Variants in PRKN observed in about 807,000 individuals in gnomAD.
The protein encoded by PRKN is parkin RBR E3 ubiquitin protein ligase.
In PRKN, 56 loss-of-function variants were observed where a neutral mutation model predicts 59.5. The ratio of observed to expected loss-of-function variants is 0.94; its 90% CI spans 0.76 to 1.18. The LOEUF (loss-of-function observed/expected upper bound fraction) is 1.18, where lower values mean the gene tolerates loss of function less well. Ranked by LOEUF, PRKN falls within the 50% of genes most tolerant of loss-of-function variation. The probability of loss-of-function intolerance (pLI) is 0.00; values close to 1 mark genes in which losing one functional copy is unlikely to be tolerated. For missense variants in PRKN, 657 were observed against 596.4 expected, an observed-to-expected ratio of 1.10 and a Z score of -1.06; for synonymous variants, 250 against 222.1, an observed-to-expected ratio of 1.13 and a Z score of -1.12.
At chr6:162,078,894 TA>T (rs1320268164) in intron 4 of PRKN, among the ~76,000 whole-genome samples, 2 of 132,216 alleles carry the variant, frequency 1.5e-5, no homozygotes, top group Admixed American at 7.9e-5. Flanking sequence ...ATAAATACTT[TA>T]AAAAAGATTA....
At chr6:161,720,469 C>T (rs903085640) in intron 7 of PRKN, among the ~76,000 whole-genome samples, 11 of 152,048 alleles carry the variant, frequency 7.2e-5, no homozygotes, top group Non-Finnish European at 1.2e-4. Context: ...CTGGAGGCAC[C>T]GCAAACTCAT....
chr6:162,485,743 C>A (rs1359571522), intron 1 of PRKN, among the ~76,000 whole-genome samples: 2 of 152,160 alleles, frequency 1.3e-5, no homozygotes, highest in Admixed American at 1.3e-4. Context: ...TTTGGAGCAA[C>A]CTGTTCAATC....
At chr6:162,673,716 G>A (rs1779426968) in intron 1 of PRKN, among the ~76,000 whole-genome samples, 1 of 152,080 alleles carries the variant, frequency 6.6e-6, no homozygotes, top group Non-Finnish European at 1.5e-5. Flanking sequence ...ATCAAAGTAA[G>A]AGAAAAAACC....
At chr6:161,996,886 T>G (rs1327279499) in intron 5 of PRKN, among the ~76,000 whole-genome samples, 1 of 152,060 alleles carries the variant, frequency 6.6e-6, no homozygotes, top group African/African-American at 2.4e-5. Flanking sequence ...TAAATCATCA[T>G]GCTTCAAAAG....
At chr6:161,603,162 C>A (rs563429326) in intron 7 of PRKN, among the ~76,000 whole-genome samples, 4 of 152,148 alleles carry the variant, frequency 2.6e-5, no homozygotes, top group African/African-American at 9.6e-5. Flanking sequence ...TTTTTGGCAC[C>A]ATATTGACTA....
chr6:161,817,825 A>C (rs1223356760), intron 6 of PRKN, among the ~76,000 whole-genome samples: 1 of 152,208 alleles, frequency 6.6e-6, no homozygotes, highest in Admixed American at 6.5e-5. Flanking sequence ...AAATTTCCTC[A>C]ACCCAATATT....
intron 5 of PRKN, among the ~76,000 whole-genome samples, chr6:162,006,794 C>CTCCA (rs1219430739): frequency 6.6e-6 from 1 of 152,134 alleles, no homozygotes; most frequent in Non-Finnish European, 1.5e-5. Flanking sequence ...CCATACTGAT[C>CTCCA]TCCATCATGG....
intron 7 of PRKN, among the ~76,000 whole-genome samples, chr6:161,784,626 C>T (rs918291961): frequency 2.0e-5 from 3 of 152,084 alleles, no homozygotes; most frequent in Non-Finnish European, 4.4e-5. Flanking sequence ...TAACAAGTGA[C>T]GACAAGAATG....
intron 1 of PRKN, among the ~76,000 whole-genome samples, chr6:162,474,920 C>T (rs2128179754): frequency 6.6e-6 from 1 of 152,254 alleles, no homozygotes; most frequent in South Asian, 2.1e-4. Flanking sequence ...CAAAAACATG[C>T]TGACACTGTC....
In PRKN at chr6:162,207,717, A is replaced by G. The variant is rs532226964; in HGVS notation, c.413-6465T>C. ...ACTGGCCCTCAATGCGCTCACCTTG[A>G]CCTTTCTGTACCTGTCCAAACTTTT... On this transcript the variant is annotated intron_variant, in intron 3 of 11. Transcript: ENST00000366898. Among the ~76,000 whole-genome samples, 6 of 152,068 alleles carry G rather than the reference A, an allele frequency of 3.9e-5. No individual in the cohort carries two copies. The East Asian group carries it at 1.2e-3, about 29-fold the overall frequency.
chr6:161,368,099 G>A (rs1785281584), intron 10 of PRKN, among the ~76,000 whole-genome samples: 1 of 151,650 alleles, frequency 6.6e-6, no homozygotes, highest in Admixed American at 6.6e-5. Context: ...TGGAGATCTG[G>A]AAGTCCCCGG....
At chr6:162,355,154 A>G (rs1386793105) in intron 2 of PRKN, among the ~76,000 whole-genome samples, 1 of 151,700 alleles carries the variant, frequency 6.6e-6, no homozygotes, top group Non-Finnish European at 1.5e-5. Flanking sequence ...AATAATATAT[A>G]GTTTCATGTT....
intron 9 of PRKN, among the ~76,000 whole-genome samples, chr6:161,426,560 G>T (rs1315712226): frequency 6.6e-6 from 1 of 151,330 alleles, no homozygotes; most frequent in African/African-American, 2.4e-5. Context: ...ACTCAGACTG[G>T]CTCTCCTAGC....
chr6:162,464,618 A>G (rs939759557), intron 1 of PRKN, among the ~76,000 whole-genome samples: 16 of 148,640 alleles, frequency 1.1e-4, no homozygotes, highest in African/African-American at 4.0e-4. Context: ...GATCAAGACC[A>G]TCCTGGCTAA....
At chr6:161,583,975 T>C (rs1420902710) in intron 7 of PRKN, among the ~76,000 whole-genome samples, 2 of 152,184 alleles carry the variant, frequency 1.3e-5, no homozygotes, top group Non-Finnish European at 2.9e-5. Context: ...ATTTAACATT[T>C]CCATCATTCC....
chr6:162,229,050 T>A (rs1328614256), intron 3 of PRKN, among the ~76,000 whole-genome samples: 1 of 152,208 alleles, frequency 6.6e-6, no homozygotes, highest in African/African-American at 2.4e-5. Context: ...CAAGTGATCT[T>A]CTCAGTCCTA....
Position 161,607,747 on chromosome 6 carries a change from T to A in PRKN, c.872-38331A>T, listed in dbSNP as rs148336230. Among the ~76,000 whole-genome samples, 103 of 152,246 alleles carry A rather than the reference T, an allele frequency of 6.8e-4. 1 individual carries two copies. In the East Asian group the frequency reaches 0.019, roughly 28 times the overall value. On this transcript the variant is annotated intron_variant, in intron 7 of 11. Coordinates refer to ENST00000366898, the MANE Select transcript of PRKN (RefSeq NM_004562.3). The stretch of plus-strand genomic sequence containing the variant: ...AAAGTGGAGAAAAATATCAAATAAT[T>A]AAATACAAAGATGTTTCCCAGTATA...
intron 4 of PRKN, among the ~76,000 whole-genome samples, chr6:162,159,907 T>G (rs1450054459): frequency 6.6e-6 from 1 of 152,208 alleles, no homozygotes; most frequent in Non-Finnish European, 1.5e-5. Context: ...ATCTATGGCT[T>G]GTACCTTGTA....
chr6:162,267,506 G>C (rs1583290789), intron 2 of PRKN, among the ~76,000 whole-genome samples: 1 of 152,220 alleles, frequency 6.6e-6, no homozygotes, highest in East Asian at 1.9e-4. Flanking sequence ...GGCTACCTTA[G>C]AGCAGAAACA....
Sources: allele counts gnomAD v4.1 joint callset (sites outside exome capture counted in the v4.1 genomes callset), GRCh38; gene constraint gnomAD v4.1.1; transcripts MANE v1.5; gene names NCBI Gene and HGNC (gene_info 2026-07-23, HGNC 2026-07-21).